PRICKLE2: variants seen among roughly 807,000 people sequenced by gnomAD.
The protein encoded by PRICKLE2 is prickle planar cell polarity protein 2.
A neutral mutation model predicts 81.4 loss-of-function variants in PRICKLE2; 21 were observed. The observed-to-expected ratio is 0.26, with a 90% CI of 0.18 to 0.37. The LOEUF is 0.37. Ranked by LOEUF, PRICKLE2 falls within the 10% of genes least tolerant of loss-of-function variation. The probability of loss-of-function intolerance (pLI) is 1.00; values close to 1 mark genes in which losing one functional copy is unlikely to be tolerated. For missense variants in PRICKLE2, 940 were observed against 1,109.0 expected (o/e 0.85, Z 2.16); for synonymous variants, 456 against 421.5 (o/e 1.08, Z -1.00).
intron 1 of PRICKLE2, 24 bp from the exon 2 acceptor site, chr3:64,198,991 T>TTC: frequency 6.2e-7 from 1 of 1,610,264 alleles, no homozygotes; most frequent in Non-Finnish European, 8.5e-7. Context: ...AGGTAGAAGG[T>TTC]GAGAAAGAGG....
intron 7 of PRICKLE2, among the ~76,000 whole-genome samples, chr3:64,138,525 G>A (rs1057205051): frequency 6.6e-6 from 1 of 152,170 alleles, no homozygotes; most frequent in Admixed American, 6.6e-5. Flanking sequence ...CAGTGTACAG[G>A]GAACAAGAAC....
chr3:64,144,550 C>CTA (rs1386764036), intron 7 of PRICKLE2, among the ~76,000 whole-genome samples: 2 of 152,258 alleles, frequency 1.3e-5, no homozygotes, highest in African/African-American at 4.8e-5. Context: ...ATCACAGTCT[C>CTA]TATCCAGACA....
At chr3:64,220,230 A>T (rs2078930695) in intron 1 of PRICKLE2, among the ~76,000 whole-genome samples, 2 of 152,204 alleles carry the variant, frequency 1.3e-5, no homozygotes, top group Admixed American at 1.3e-4. Flanking sequence ...GAGCTGGAAA[A>T]ATTGGCATCT....
intron 1 of PRICKLE2, among the ~76,000 whole-genome samples, chr3:64,203,846 T>C (rs697283): frequency 0.13 from 18,802 of 149,160 alleles, 1,489 homozygotes; most frequent in East Asian, 0.4. Context: ...GGCATGGTGG[T>C]GGGCACTTGT....
intron 7 of PRICKLE2, 85 bp from the exon 8 acceptor site, chr3:64,100,010 G>T: frequency 6.9e-7 from 1 of 1,444,558 alleles, no homozygotes; most frequent in Non-Finnish European, 9.7e-7. Context: ...TCTATCTAGG[G>T]TCATTATATA....
intron 7 of PRICKLE2, 119 bp downstream of exon 7, chr3:64,146,711 C>A: frequency 8.5e-7 from 1 of 1,171,290 alleles, no homozygotes; most frequent in Non-Finnish European, 1.2e-6. Flanking sequence ...CCACTGCACT[C>A]CAGCCTGGGG....
chr3:64,197,506 T>C (rs1184976514), intron 2 of PRICKLE2, among the ~76,000 whole-genome samples: 1 of 152,148 alleles, frequency 6.6e-6, no homozygotes, highest in Admixed American at 6.5e-5. Flanking sequence ...ATACACACAA[T>C]AGAATACTAT....
chr3:64,117,357 AG>A (rs1196092873), intron 7 of PRICKLE2, among the ~76,000 whole-genome samples: 1 of 152,192 alleles, frequency 6.6e-6, no homozygotes, highest in Non-Finnish European at 1.5e-5. Context: ...CAGGGCAATC[AG>A]GCAAGAGAAA....
intron 2 of PRICKLE2, among the ~76,000 whole-genome samples, chr3:64,247,384 A>G (rs958059446): frequency 3.9e-5 from 6 of 152,288 alleles, no homozygotes; most frequent in African/African-American, 1.4e-4. Flanking sequence ...TAGGCTACAG[A>G]TTATCCTTAA....
chr3:64,099,780 T>G lies in PRICKLE2; in HGVS notation c.1806A>C (p.Ala602=). Residue 602 remains alanine, a synonymous_variant, in exon 8 of 8, where the codon GCA becomes GCC. Coordinates refer to ENST00000638394, the MANE Select transcript of PRICKLE2 (RefSeq NM_198859.4). The surrounding 1 kb of genome is among the most constrained non-coding windows in gnomAD (Gnocchi z 4.3). ...CAGAGAGCAGGCTGCGAACTGACTC[T>G]GCGCTCCGGAACTGCATGGACGAGT... ...TLNSSMQFRS[A]ESVRSLLSAQ... The G allele has an allele frequency of 6.2e-7, 1 of 1,614,232 alleles. No homozygotes were observed. Among genetic ancestry groups the G allele is most frequent in the East Asian group, 2.2e-5 (1 of 44,866 alleles).
At chr3:64,201,280 T>C (rs1340387948) in intron 1 of PRICKLE2, among the ~76,000 whole-genome samples, 1 of 152,228 alleles carries the variant, frequency 6.6e-6, no homozygotes, top group Non-Finnish European at 1.5e-5. Flanking sequence ...TGCTAGGTCA[T>C]GTGGCAACTT....
chr3:64,244,674 G>C (rs2079320198), intron 2 of PRICKLE2, among the ~76,000 whole-genome samples: 2 of 151,600 alleles, frequency 1.3e-5, no homozygotes, highest in African/African-American at 4.8e-5. Context: ...GAGAGAGACA[G>C]AAAGCGAAAA....
chr3:64,137,987 G>A (rs1391232769), intron 7 of PRICKLE2, among the ~76,000 whole-genome samples: 1 of 152,056 alleles, frequency 6.6e-6, no homozygotes, highest in Non-Finnish European at 1.5e-5. Flanking sequence ...AATCACCACA[G>A]GCCACACCCC....
At chr3:64,134,353 G>A (rs893209455) in intron 7 of PRICKLE2, among the ~76,000 whole-genome samples, 10 of 152,180 alleles carry the variant, frequency 6.6e-5, no homozygotes, top group South Asian at 6.2e-4. Flanking sequence ...GTCCCTTCCC[G>A]TGACATCATA....
At position 64,225,058 on chromosome 3, in the gene PRICKLE2, C is replaced by A; in HGVS notation, c.-189G>T. The A allele has an allele frequency of 5.1e-6, 5 of 985,436 alleles. No homozygotes were observed. Among genetic ancestry groups the A allele is most frequent in the Non-Finnish European group, 6.0e-6 (5 of 830,026 alleles). The allele number at this position is 985,436 out of a possible 1,614,324, so 61.0% of individuals were successfully genotyped here. A position where few individuals can be genotyped will look rare whatever the true frequency, so the allele number is the denominator to read the frequency against. On this transcript the variant is annotated 5_prime_UTR_variant, in exon 1 of 8. Transcript: ENST00000638394. Reference sequence around the variant, plus strand: ...CAGCCAAAGCATCTTCTCCTCAAACCCCCTTTTCAGTCTGAACCCTTCCTG... The same window carrying A: ...CAGCCAAAGCATCTTCTCCTCAAACACCCTTTTCAGTCTGAACCCTTCCTG...
chr3:64,256,562 A>G (rs1176093395), intron 2 of PRICKLE2, among the ~76,000 whole-genome samples: 2 of 152,228 alleles, frequency 1.3e-5, no homozygotes, highest in Non-Finnish European at 2.9e-5. Context: ...CTGATCATAA[A>G]GAAAATAACT....
chr3:64,145,385 A>G (rs1050916463), intron 7 of PRICKLE2: 8 of 149,534 alleles, frequency 5.3e-5, no homozygotes, highest in African/African-American at 2.0e-4. Context: ...TATTTTATAT[A>G]TATACACACA....
At chr3:64,185,505 T>A (rs2078211849) in intron 2 of PRICKLE2, among the ~76,000 whole-genome samples, 1 of 152,244 alleles carries the variant, frequency 6.6e-6, no homozygotes, top group African/African-American at 2.4e-5. Context: ...TTAGGCACTG[T>A]CCTTGGGAGC....
intron 7 of PRICKLE2, among the ~76,000 whole-genome samples, chr3:64,133,703 T>C: frequency 6.6e-6 from 1 of 152,114 alleles, no homozygotes; most frequent in Non-Finnish European, 1.5e-5. Flanking sequence ...TGGGCATAAT[T>C]AGGCCACAGA....
Sources: gnomAD v4.1 joint callset for allele counts (sites outside exome capture counted in the v4.1 genomes callset) on GRCh38, gnomAD v4.1.1 for gene constraint, Gnocchi (gnomAD v3.1) non-coding constraint, MANE v1.5 for transcripts, NCBI Gene and HGNC (gene_info 2026-07-23, HGNC 2026-07-21) for gene names.